The following IL1RAPL1 variants were observed in gnomAD, a reference collection of about 807,000 sequenced individuals.
IL1RAPL1 encodes interleukin 1 receptor accessory protein like 1, also known as interleukin-1 receptor accessory protein-like 1.
Under a neutral mutation model 48.4 loss-of-function variants are expected in IL1RAPL1, and 3 were observed. The ratio of observed to expected loss-of-function variants is 0.06; its 90% CI spans 0.03 to 0.16. The LOEUF is 0.16. Ranked by LOEUF, IL1RAPL1 falls within the 10% of genes least tolerant of loss-of-function variation. The pLI, the probability that IL1RAPL1 is intolerant of heterozygous loss-of-function variation, is 1.00. For synonymous variants in IL1RAPL1, 185 were observed against 187.7 expected (o/e 0.99, Z 0.12); for missense variants, 349 against 530.6 (o/e 0.66, Z 3.36).
intron 2 of IL1RAPL1, among the ~76,000 whole-genome samples, chrX:29,203,284 A>G (rs781682668): frequency 2.7e-5 from 3 of 111,606 alleles, no homozygotes; most frequent in South Asian, 3.8e-4. Flanking sequence ...TTGATACACA[A>G]TAGTTGTACA....
chrX:29,946,503 G>T (rs911825472), intron 9 of IL1RAPL1, among the ~76,000 whole-genome samples: 1 of 112,140 alleles, frequency 8.9e-6, no homozygotes, highest in Admixed American at 9.5e-5. Flanking sequence ...GAGAAGATAC[G>T]CTATCCCCCT....
chrX:29,890,651 C>T (rs1932259515), intron 6 of IL1RAPL1, among the ~76,000 whole-genome samples: 1 of 112,174 alleles, frequency 8.9e-6, no homozygotes, highest in Non-Finnish European at 1.9e-5. Flanking sequence ...TTATACTGTG[C>T]CTCCTAGCAA....
At chrX:28,970,936 C>G (rs1294940096) in intron 2 of IL1RAPL1, among the ~76,000 whole-genome samples, 1 of 110,899 alleles carries the variant, frequency 9.0e-6, no homozygotes, top group Non-Finnish European at 1.9e-5. Context: ...TAATACCAGT[C>G]TAAAAAAGCA....
intron 2 of IL1RAPL1, among the ~76,000 whole-genome samples, chrX:29,124,212 C>T (rs1213368921): frequency 1.8e-5 from 2 of 111,721 alleles, no homozygotes; most frequent in Non-Finnish European, 3.8e-5. Flanking sequence ...TTGAGTCAAT[C>T]CTTGGAAAAT....
chrX:29,773,014 A>G (rs773892204), intron 6 of IL1RAPL1, among the ~76,000 whole-genome samples: 34 of 111,821 alleles, frequency 3.0e-4, no homozygotes, highest in African/African-American at 1.1e-3. Context: ...GGAGAAGACA[A>G]TTTTCCTGCT....
intron 2 of IL1RAPL1, chrX:28,942,290 A>T (rs889947791): frequency 2.7e-5 from 3 of 109,492 alleles, no homozygotes; most frequent in African/African-American, 9.9e-5. Context: ...TTTATAAAAA[A>T]TGCAATGTAA....
chrX:28,845,103 G>A (rs1421828861), intron 2 of IL1RAPL1, among the ~76,000 whole-genome samples: 1 of 111,696 alleles, frequency 9.0e-6, no homozygotes, highest in Non-Finnish European at 1.9e-5. Flanking sequence ...AGTGGAGGTG[G>A]AAGTAAAAGA....
At chrX:28,598,972 G>T (rs1310677817) in intron 1 of IL1RAPL1, among the ~76,000 whole-genome samples, 3 of 108,544 alleles carry the variant, frequency 2.8e-5, no homozygotes, top group African/African-American at 1.0e-4. Flanking sequence ...AGGCATGGTG[G>T]CTCATGCCTG....
chrX:29,715,569 T>C (rs1273704322), intron 6 of IL1RAPL1, among the ~76,000 whole-genome samples: 1 of 111,703 alleles, frequency 9.0e-6, no homozygotes, highest in Admixed American at 9.5e-5. Context: ...ATTGTTTCAT[T>C]TGTGTTTGAA....
At chrX:29,928,173 G>A (rs935445312) in intron 8 of IL1RAPL1, among the ~76,000 whole-genome samples, 2 of 112,181 alleles carry the variant, frequency 1.8e-5, no homozygotes, top group Non-Finnish European at 3.8e-5. Context: ...TGAGCTGCCA[G>A]TGGCAGCAGT....
chrX:29,285,792 C>T (rs913042575), intron 3 of IL1RAPL1, among the ~76,000 whole-genome samples: 8 of 111,183 alleles, frequency 7.2e-5, no homozygotes, highest in African/African-American at 2.0e-4. Context: ...GTTGTTACAG[C>T]TTTCTTTTCC....
intron 2 of IL1RAPL1, among the ~76,000 whole-genome samples, chrX:28,968,091 T>A (rs1011477484): frequency 9.0e-6 from 1 of 111,509 alleles, no homozygotes; most frequent in Non-Finnish European, 1.9e-5. Flanking sequence ...ACAAATGTTA[T>A]CTAAAATGTA....
At chrX:29,587,658 T>TA (rs1156455918) in intron 5 of IL1RAPL1, among the ~76,000 whole-genome samples, 1 of 112,019 alleles carries the variant, frequency 8.9e-6, no homozygotes, top group Non-Finnish European at 1.9e-5. Flanking sequence ...TTTCTCCATT[T>TA]AAAAAATAAT....
intron 6 of IL1RAPL1, among the ~76,000 whole-genome samples, chrX:29,820,320 C>T (rs1930585678): frequency 9.0e-6 from 1 of 110,804 alleles, no homozygotes; most frequent in Admixed American, 9.7e-5. Context: ...AGTCAAAAAT[C>T]AAAGACAATA....
chrX:28,958,744 G>A (rs760814753), intron 2 of IL1RAPL1, among the ~76,000 whole-genome samples: 1 of 111,647 alleles, frequency 9.0e-6, no homozygotes, highest in Non-Finnish European at 1.9e-5. Flanking sequence ...CCACCAACAG[G>A]AGCAGATGGG....
At chrX:28,809,677 C>T (rs939334321) in intron 2 of IL1RAPL1, among the ~76,000 whole-genome samples, 8 of 110,183 alleles carry the variant, frequency 7.3e-5, no homozygotes, top group Admixed American at 4.9e-4. Flanking sequence ...GAGAATTAGC[C>T]GTGGCCCCTT....
chrX:29,251,193 A>G (rs1351987823), intron 2 of IL1RAPL1, among the ~76,000 whole-genome samples: 1 of 114,124 alleles, frequency 8.8e-6, no homozygotes, highest in Admixed American at 9.1e-5. Context: ...AATTTCTTCT[A>G]TAATAGTACG....
intron 5 of IL1RAPL1, among the ~76,000 whole-genome samples, chrX:29,652,309 A>T (rs1417378369): frequency 8.9e-6 from 1 of 111,936 alleles, no homozygotes; most frequent in Non-Finnish European, 1.9e-5. Flanking sequence ...CTGGCCTCTT[A>T]AAGGCGGGAC....
At chrX:29,239,348 TATG>T (rs938851078) in intron 2 of IL1RAPL1, among the ~76,000 whole-genome samples, 4 of 112,633 alleles carry the variant, frequency 3.6e-5, no homozygotes, top group African/African-American at 1.3e-4. Flanking sequence ...TTTTTAAAAA[TATG>T]ATATTTTTTA....
Sources: allele counts gnomAD v4.1 joint callset (sites outside exome capture counted in the v4.1 genomes callset), GRCh38; gene constraint gnomAD v4.1.1; transcripts MANE v1.5; gene names NCBI Gene and HGNC (gene_info 2026-07-23, HGNC 2026-07-21).